PTPRD: variants seen among roughly 807,000 people sequenced by gnomAD.
The protein encoded by PTPRD is receptor-type tyrosine-protein phosphatase delta.
Under a neutral mutation model 214.5 loss-of-function variants are expected in PTPRD, and 34 were observed. The ratio of observed to expected loss-of-function variants is 0.16; its 90% confidence interval spans 0.12 to 0.21. PTPRD has a LOEUF of 0.21. Among genes scored for constraint, PTPRD ranks in the 10% least tolerant of loss-of-function variants. The pLI is 1.00. For missense variants in PTPRD, 2,545 were observed against 2,398.7 expected (o/e 1.06, Z -1.27); for synonymous variants, 1,128 against 845.7 (o/e 1.33, Z -5.79).
chr9:8,827,305 T>C (rs575262246), intron 11 of PTPRD, among the ~76,000 whole-genome samples: 2 of 98,590 alleles, frequency 2.0e-5, no homozygotes, highest in East Asian at 2.2e-4. Flanking sequence ...CTATTTGTTA[T>C]TGAAAAAATT....
chr9:9,089,007 G>A (rs1395523469), intron 10 of PTPRD, among the ~76,000 whole-genome samples: 1 of 152,036 alleles, frequency 6.6e-6, no homozygotes, highest in Non-Finnish European at 1.5e-5. Flanking sequence ...GGAACACAAG[G>A]GTTTTTCACT....
At chr9:8,825,438 T>A (rs2097156061) in intron 11 of PTPRD, among the ~76,000 whole-genome samples, 1 of 152,182 alleles carries the variant, frequency 6.6e-6, no homozygotes, top group African/African-American at 2.4e-5. Context: ...TTTTTAAAAT[T>A]CTGAAAAAAT....
At chr9:8,573,915 A>T (rs1480094919) in intron 14 of PTPRD, among the ~76,000 whole-genome samples, 2 of 151,978 alleles carry the variant, frequency 1.3e-5, no homozygotes, top group Non-Finnish European at 2.9e-5. Context: ...CTTGGCAGAA[A>T]ATAATTTCTC....
chr9:10,395,949 G>C (rs536801310), intron 2 of PTPRD, among the ~76,000 whole-genome samples: 1 of 150,386 alleles, frequency 6.6e-6, no homozygotes, highest in East Asian at 2.0e-4. Flanking sequence ...GGGACATAGA[G>C]AGAATGAGAG....
At position 8,643,429 on chromosome 9, in the gene PTPRD, C is replaced by T. The variant is rs1170763674; in HGVS notation, c.65-6585G>A. ...ATATGAAAAGACAGTAAGGAGGAGT[C>T]ACTGAGGTTATGAGTGAGAGAACTT... On this transcript the variant is annotated intron_variant, in intron 12 of 45. Transcript: ENST00000381196. Among the ~76,000 whole-genome samples, 4 of 152,126 alleles carry T rather than the reference C, an allele frequency of 2.6e-5. No homozygotes were observed. In the East Asian group the frequency reaches 5.8e-4, roughly 22 times the overall value.
intron 9 of PTPRD, 129 bp downstream of exon 9, chr9:9,397,320 C>CT (rs1292119951): frequency 4.6e-5 from 7 of 152,162 alleles, no homozygotes; most frequent in African/African-American, 1.7e-4. Flanking sequence ...CCTAAAATGC[C>CT]TAATGAACTG....
Position 9,894,304 on chromosome 9 carries a change from T to C in PTPRD, c.-368+44203A>G, listed in dbSNP as rs115233906. The stretch of plus-strand genomic sequence containing the variant: ...CAATTCAGATTATAGTATCTCCTCA[T>C]ACTTAAAACCTTTTCACCTGTGCAT... On this transcript the variant is annotated intron_variant, in intron 5 of 45. Coordinates refer to ENST00000381196, the MANE Select transcript of PTPRD (RefSeq NM_002839.4). Among the ~76,000 whole-genome samples, 678 of 152,148 alleles carry C rather than the reference T, an allele frequency of 4.5e-3. 8 individuals are homozygous for C. Among genetic ancestry groups the C allele is most frequent in the African/African-American group, 0.015 (631 of 41,538 alleles).
chr9:9,161,390 T>C (rs897433269), intron 10 of PTPRD, among the ~76,000 whole-genome samples: 1 of 152,126 alleles, frequency 6.6e-6, no homozygotes, highest in Non-Finnish European at 1.5e-5. Context: ...TAACTCTTCT[T>C]TTTCATATAT....
At chr9:10,231,956 T>TAGAGAG (rs56151511) in intron 3 of PTPRD, among the ~76,000 whole-genome samples, 10 of 109,020 alleles carry the variant, frequency 9.2e-5, no homozygotes, top group South Asian at 3.3e-4. Flanking sequence ...GGGAATGAAT[T>TAGAGAG]AGAGAGAGAG....
chr9:9,398,609 T>TA (rs2068845057), intron 8 of PTPRD, among the ~76,000 whole-genome samples: 1 of 152,118 alleles, frequency 6.6e-6, no homozygotes, highest in African/African-American at 2.4e-5. Context: ...AACAAAAAAA[T>TA]AAAGAAATTG....
chr9:9,531,338 T>G (rs1444138813), intron 8 of PTPRD, among the ~76,000 whole-genome samples: 6 of 152,170 alleles, frequency 3.9e-5, no homozygotes, highest in African/African-American at 1.2e-4. Context: ...AATTGAGGGC[T>G]GAGAGAATAT....
rs1212149949 is a variant in PTPRD, at chr9:10,598,683, TGTGTGTGTGTGTGTGTGTGTGGTGTGTG to T, written c.-600+13687_-600+13714del. Among the ~76,000 whole-genome samples the T allele has an allele frequency of 4.0e-3, 405 of 101,392 alleles. 4 individuals are homozygous for T. Among genetic ancestry groups the T allele is most frequent in the African/African-American group, 0.013 (376 of 29,306 alleles). 66.5% of individuals were successfully genotyped at this position (101,392 alleles called of 152,430 possible). A position where few individuals can be genotyped will look rare whatever the true frequency, so the allele number is the denominator to read the frequency against. On this transcript the variant is annotated intron_variant, in intron 2 of 45. Transcript: ENST00000381196. ...CCATTTTTATATATGTATGTGTGTG[TGTGTGTGTGTGTGTGTGTGTGGTGTGTG>T]GTGTGTGTGTGTGTGTGTGTGTAGA...
Position 8,317,440 on chromosome 9 carries a change from T to C in PTPRD, c.*434A>G, listed in dbSNP as rs953800598. The C allele has an allele frequency of 2.9e-5, 7 of 238,416 alleles. No homozygotes were observed. The highest frequency in any genetic ancestry group is 5.8e-5 in the Non-Finnish European group (7 of 120,406). 14.8% of individuals were successfully genotyped at this position (238,416 alleles called of 1,614,324 possible). A position where few individuals can be genotyped will look rare whatever the true frequency, so the allele number is the denominator to read the frequency against. ...CCCTAAAATGTTATTATGAGCAGTA[T>C]GGTGGGAAGGGGCGATGTCAAAGCA... On this transcript the variant is annotated 3_prime_UTR_variant, in exon 46 of 46. Coordinates refer to ENST00000381196, the MANE Select transcript of PTPRD (RefSeq NM_002839.4).
At chr9:9,509,180 T>G (rs997773721) in intron 8 of PTPRD, among the ~76,000 whole-genome samples, 6 of 151,744 alleles carry the variant, frequency 4.0e-5, no homozygotes, top group African/African-American at 1.5e-4. Context: ...AGTTGCTGGG[T>G]TGTATTTTTT....
rs12338043 is a variant in PTPRD at position 8,408,776 on chromosome 9, C to A, written c.4087-4116G>T. ...CTGGGCACTTGACTCCTCCTCCCCA[C>A]CGCAGCTTTTGACTAAACCTTTCTA... On this transcript the variant is annotated intron_variant, in intron 35 of 45. Transcript: ENST00000381196. 8.8e-3 allele frequency among the ~76,000 whole-genome samples: 1,336 copies of A among 152,244 alleles called. 24 individuals carry two copies. Among genetic ancestry groups the A allele is most frequent in the African/African-American group, 0.031 (1,269 of 41,550 alleles).
At chr9:9,476,009 C>T (rs1569568659) in intron 8 of PTPRD, among the ~76,000 whole-genome samples, 1 of 152,118 alleles carries the variant, frequency 6.6e-6, no homozygotes, top group Non-Finnish European at 1.5e-5. Flanking sequence ...AGAAAAGTCT[C>T]ATAGACTGTA....
chr9:10,001,583 G>A (rs537166714), intron 4 of PTPRD, among the ~76,000 whole-genome samples: 4 of 152,126 alleles, frequency 2.6e-5, no homozygotes, highest in Admixed American at 1.3e-4. Context: ...ACTGAAGCCA[G>A]AGGCAATGGA....
chr9:9,664,230 A>G (rs1363019626), intron 7 of PTPRD, among the ~76,000 whole-genome samples: 16 of 151,546 alleles, frequency 1.1e-4, no homozygotes. Flanking sequence ...CTGACTATTT[A>G]TATAGTGATT....
chr9:8,726,074 A>G (rs537004652), intron 12 of PTPRD, among the ~76,000 whole-genome samples: 4 of 150,406 alleles, frequency 2.7e-5, no homozygotes, highest in Admixed American at 1.3e-4. Context: ...CAGTTTAGTG[A>G]AGAAATAAGT....
Sources: allele counts gnomAD v4.1 joint callset (sites outside exome capture counted in the v4.1 genomes callset), GRCh38; gene constraint gnomAD v4.1.1; transcripts MANE v1.5; gene names NCBI Gene and HGNC (gene_info 2026-07-23, HGNC 2026-07-21).